PARD3B: variants seen among roughly 807,000 people sequenced by gnomAD.
The protein encoded by PARD3B is par-3 family cell polarity regulator beta.
In PARD3B, 103 loss-of-function variants were observed where a neutral mutation model predicts 130.2. The observed-to-expected ratio is 0.79, with a 90% CI of 0.67 to 0.93. The LOEUF is 0.93. Ranked by LOEUF, PARD3B falls within the 40% of genes least tolerant of loss-of-function variation. The pLI is 0.00. For synonymous variants in PARD3B, 583 were observed against 553.2 expected (o/e 1.05, Z -0.76); for missense variants, 1,609 against 1,499.2 (o/e 1.07, Z -1.21).
intron 21 of PARD3B, among the ~76,000 whole-genome samples, chr2:205,536,756 C>A (rs2051878930): frequency 6.6e-6 from 1 of 152,110 alleles, no homozygotes; most frequent in Non-Finnish European, 1.5e-5. Flanking sequence ...TACCAAAACC[C>A]AATTACAAGA....
intron 2 of PARD3B, among the ~76,000 whole-genome samples, chr2:204,893,553 T>A (rs966278663): frequency 6.6e-6 from 1 of 152,228 alleles, no homozygotes; most frequent in African/African-American, 2.4e-5. Context: ...TATGTAATTT[T>A]AAATATTTTA....
chr2:204,574,810 G>C (rs1484656942), intron 1 of PARD3B, among the ~76,000 whole-genome samples: 2 of 152,252 alleles, frequency 1.3e-5, no homozygotes, highest in African/African-American at 2.4e-5. Flanking sequence ...TCCAGCTATG[G>C]TATCTCTTCC....
At position 205,288,743 on chromosome 2, in the gene PARD3B, A is replaced by G. The variant is rs1217404888; in HGVS notation, c.2186-11787A>G. ...GACTTTTCCTCATGCCTTTTCCTCT[A>G]AGTGGTGTGCCTGTCCACCTCCTAC... On this transcript the variant is annotated intron_variant, in intron 16 of 22. Transcript: ENST00000406610. This position sits in a 1 kb window ranked among gnomAD's most constrained non-coding sequence, Gnocchi z 4.0. 2.6e-5 allele frequency among the ~76,000 whole-genome samples: 4 copies of G among 152,078 alleles called. No homozygotes were observed. Among genetic ancestry groups the G allele is most frequent in the Admixed American group, 2.6e-4 (4 of 15,262 alleles).
At chr2:205,272,049 TC>T (rs1297437221) in intron 16 of PARD3B, among the ~76,000 whole-genome samples, 1 of 151,582 alleles carries the variant, frequency 6.6e-6, no homozygotes, top group Non-Finnish European at 1.5e-5. Flanking sequence ...TCCCAGCAAC[TC>T]AGGAGGCTGA....
In PARD3B at chr2:205,234,444, AAT is replaced by A. The variant is rs527360137; in HGVS notation, c.2141-11332_2141-11331del. Among the ~76,000 whole-genome samples, 708 of 152,320 alleles carry A rather than the reference AAT, an allele frequency of 4.6e-3. 6 individuals are homozygous for A. Among genetic ancestry groups the A allele is most frequent in the African/African-American group, 0.016 (679 of 41,580 alleles). On this transcript the variant is annotated intron_variant, in intron 15 of 22. Coordinates refer to ENST00000406610, the MANE Select transcript of PARD3B (RefSeq NM_001302769.2). Reference sequence around the variant, plus strand: ...TAGATTTCAGAAAAATATTACCAGAAATAGAGTCCTTTCATAGCTTTAATGGA... The same window carrying A: ...TAGATTTCAGAAAAATATTACCAGAAAGAGTCCTTTCATAGCTTTAATGGA...
At chr2:205,429,972 T>G (rs1288124826) in intron 19 of PARD3B, among the ~76,000 whole-genome samples, 1 of 152,240 alleles carries the variant, frequency 6.6e-6, no homozygotes, top group East Asian at 1.9e-4. Flanking sequence ...CATTGCCTTC[T>G]CTGGCTCTTC....
At chr2:205,353,961 G>A (rs1472405039) in intron 18 of PARD3B, among the ~76,000 whole-genome samples, 1 of 151,240 alleles carries the variant, frequency 6.6e-6, no homozygotes, top group Non-Finnish European at 1.5e-5. Context: ...CAGGGATTCA[G>A]AGAAGCTAAG....
intron 21 of PARD3B, among the ~76,000 whole-genome samples, chr2:205,527,210 A>G (rs1385246748): frequency 6.6e-6 from 1 of 152,064 alleles, no homozygotes; most frequent in East Asian, 1.9e-4. Flanking sequence ...ATAATTAAAC[A>G]CTCTATTTGG....
rs183275835 is a variant in PARD3B at position 204,606,282 on chromosome 2, G to A, written c.120+60163G>A. ...TCAGGAAGGGCTAGATTATGCTGCA[G>A]TAAGAATCTGGAAACCTCAGTGGCT... On this transcript the variant is annotated intron_variant, in intron 1 of 22. Transcript: ENST00000406610. This position sits in a 1 kb window ranked among gnomAD's most constrained non-coding sequence, Gnocchi z 4.0. 6.6e-6 allele frequency among the ~76,000 whole-genome samples: 1 copy of A among 152,276 alleles called. No individual in the cohort carries two copies. The highest frequency in any genetic ancestry group is 2.4e-5 in the African/African-American group (1 of 41,576).
At chr2:205,059,636 G>T (rs746211677) in intron 4 of PARD3B, among the ~76,000 whole-genome samples, 24 of 151,980 alleles carry the variant, frequency 1.6e-4, no homozygotes, top group Non-Finnish European at 3.4e-4. Context: ...TCTCCTTTAT[G>T]AATCTAGAAA....
chr2:204,964,509 G>A (rs973451785), intron 2 of PARD3B, among the ~76,000 whole-genome samples: 1 of 152,160 alleles, frequency 6.6e-6, no homozygotes, highest in Non-Finnish European at 1.5e-5. Context: ...AGTCTTATTG[G>A]ACTTAGCATT....
chr2:204,594,947 A>C (rs545837204), intron 1 of PARD3B, among the ~76,000 whole-genome samples: 1 of 152,180 alleles, frequency 6.6e-6, no homozygotes, highest in African/African-American at 2.4e-5. Flanking sequence ...TTCTAAGTGC[A>C]AAAATTTCAG....
chr2:204,951,559 A>G (rs1410566662), intron 2 of PARD3B, among the ~76,000 whole-genome samples: 1 of 152,240 alleles, frequency 6.6e-6, no homozygotes, highest in East Asian at 1.9e-4. Context: ...TTGTGTATTT[A>G]TAATTAGAAC....
At chr2:204,775,069 G>T (rs979200804) in intron 2 of PARD3B, among the ~76,000 whole-genome samples, 5 of 152,052 alleles carry the variant, frequency 3.3e-5, no homozygotes, top group Admixed American at 1.3e-4. Flanking sequence ...TTACCCAAAT[G>T]TCTGGATTTC....
chr2:204,706,904 A>G (rs1343848840), intron 2 of PARD3B, among the ~76,000 whole-genome samples: 1 of 152,194 alleles, frequency 6.6e-6, no homozygotes, highest in Admixed American at 6.5e-5. Context: ...TTTCCAGTCA[A>G]TATAGTTTGT....
chr2:205,561,606 A>T (rs2106522205), intron 22 of PARD3B, among the ~76,000 whole-genome samples: 1 of 152,282 alleles, frequency 6.6e-6, no homozygotes, highest in East Asian at 1.9e-4. Flanking sequence ...GTTCTACCAG[A>T]GTTTGAGGGT....
chr2:205,075,683 CAAAAAA>C (rs55720496), intron 4 of PARD3B, among the ~76,000 whole-genome samples: 3 of 139,648 alleles, frequency 2.1e-5, no homozygotes, highest in Admixed American at 7.1e-5. Flanking sequence ...GCCATTCTAA[CAAAAAA>C]AAAAAAAAAA....
intron 5 of PARD3B, among the ~76,000 whole-genome samples, chr2:205,109,298 A>G (rs1703455842): frequency 6.6e-6 from 1 of 152,180 alleles, no homozygotes; most frequent in Admixed American, 6.5e-5. Flanking sequence ...ATTGCATGCC[A>G]CAGATCTATG....
chr2:204,632,205 C>T (rs1216560995), intron 1 of PARD3B, among the ~76,000 whole-genome samples: 1 of 152,130 alleles, frequency 6.6e-6, no homozygotes, highest in East Asian at 1.9e-4. Context: ...CTCCTGCTCC[C>T]ACCATGTCAG....
Sources: gnomAD v4.1 joint callset for allele counts (sites outside exome capture counted in the v4.1 genomes callset) on GRCh38, gnomAD v4.1.1 for gene constraint, Gnocchi (gnomAD v3.1) non-coding constraint, MANE v1.5 for transcripts, NCBI Gene and HGNC (gene_info 2026-07-23, HGNC 2026-07-21) for gene names.